The following C12orf42 variants were observed in gnomAD, a reference collection of about 807,000 sequenced individuals.
C12orf42 encodes chromosome 12 open reading frame 42.
In C12orf42, 25 loss-of-function variants were observed where a neutral mutation model predicts 21.6. The ratio of observed to expected loss-of-function variants is 1.16; its 90% CI spans 0.84 to 1.62. The LOEUF (loss-of-function observed/expected upper bound fraction) is 1.62, where lower values mean the gene tolerates loss of function less well. C12orf42 is among the 40% of genes most tolerant of loss of function. C12orf42 has a pLI of 0.00. For synonymous variants in C12orf42, 174 were observed against 175.0 expected (o/e 0.99, Z 0.05); for missense variants, 483 against 459.3 (o/e 1.05, Z -0.47).
At chr12:103,316,118 C>T (rs533490893) in intron 4 of C12orf42, among the ~76,000 whole-genome samples, 24 of 139,680 alleles carry the variant, frequency 1.7e-4, no homozygotes, top group African/African-American at 4.5e-4. Flanking sequence ...TATATATATA[C>T]ACACACACAC....
At chr12:103,454,273 A>T (rs1253336807) in intron 2 of C12orf42, among the ~76,000 whole-genome samples, 2 of 152,098 alleles carry the variant, frequency 1.3e-5, no homozygotes, top group Admixed American at 1.3e-4. Flanking sequence ...CTTTCCTAGG[A>T]ATGCCAGAAT....
At chr12:103,354,253 C>G (rs180902579) in intron 4 of C12orf42, among the ~76,000 whole-genome samples, 34 of 152,212 alleles carry the variant, frequency 2.2e-4, no homozygotes, top group Admixed American at 1.3e-3. Flanking sequence ...CTTCCCAAAG[C>G]ACATTTAGAA....
intron 5 of C12orf42, among the ~76,000 whole-genome samples, chr12:103,276,329 C>A (rs1180142915): frequency 1.3e-5 from 2 of 152,200 alleles, no homozygotes; most frequent in East Asian, 3.9e-4. Flanking sequence ...GTTGATGACT[C>A]CCATAATTAT....
At chr12:103,497,987 A>G (rs1159550984), upstream of C12orf42, among the ~76,000 whole-genome samples, 1 of 152,114 alleles carries the variant, frequency 6.6e-6, no homozygotes, top group Non-Finnish European at 1.5e-5. Flanking sequence ...GTGAGCAGAG[A>G]CAGCGCCACT....
At chr12:103,464,285 A>T (rs570827069) in intron 2 of C12orf42, among the ~76,000 whole-genome samples, 1 of 152,340 alleles carries the variant, frequency 6.6e-6, no homozygotes, top group South Asian at 2.1e-4. Context: ...ATAAGATGGT[A>T]TCTCATGGTG....
At chr12:103,392,321 A>G (rs1452580732) in intron 3 of C12orf42, among the ~76,000 whole-genome samples, 1 of 152,180 alleles carries the variant, frequency 6.6e-6, no homozygotes, top group African/African-American at 2.4e-5. Flanking sequence ...GAGTTTCTAC[A>G]TGGATTTTAG....
At chr12:103,205,151 A>G in the C12orf42 span, among the ~76,000 whole-genome samples, 3 of 152,206 alleles carry the variant, frequency 2.0e-5, no homozygotes, top group Non-Finnish European at 4.4e-5. Context: ...GAGGCTGTGG[A>G]ACAATGGGAA....
chr12:103,098,511 A>C, the C12orf42 span, among the ~76,000 whole-genome samples: 6 of 152,218 alleles, frequency 3.9e-5, no homozygotes, highest in African/African-American at 1.2e-4. Flanking sequence ...AATAACTGCA[A>C]AAACAATTCA....
chr12:103,520,051 G>T, the C12orf42 span, among the ~76,000 whole-genome samples: 1 of 152,206 alleles, frequency 6.6e-6, no homozygotes, highest in Non-Finnish European at 1.5e-5. Flanking sequence ...ATTCCTCAAA[G>T]TGACAAAGAA....
chr12:103,241,480 C>G (rs2033742923), intron 10 of C12orf42, among the ~76,000 whole-genome samples: 1 of 152,132 alleles, frequency 6.6e-6, no homozygotes, highest in Non-Finnish European at 1.5e-5. Flanking sequence ...GCAAATTTTC[C>G]TATTTACCTT....
At chr12:103,203,378 T>C in the C12orf42 span, among the ~76,000 whole-genome samples, 1 of 152,200 alleles carries the variant, frequency 6.6e-6, no homozygotes, top group Non-Finnish European at 1.5e-5. Context: ...TGAAAAAGAA[T>C]AATGTTTACT....
At chr12:103,482,194 C>T (rs1166904877) in intron 1 of C12orf42, among the ~76,000 whole-genome samples, 2 of 152,104 alleles carry the variant, frequency 1.3e-5, no homozygotes, top group African/African-American at 2.4e-5. Context: ...TCTGGGATTA[C>T]ATTTTTCCTT....
intron 4 of C12orf42, among the ~76,000 whole-genome samples, chr12:103,341,129 A>AAAG (rs1566111078): frequency 6.6e-6 from 1 of 150,462 alleles, no homozygotes; most frequent in Non-Finnish European, 1.5e-5. Flanking sequence ...AAAAAAAAAA[A>AAAG]AAAAAAGACA....
At chr12:103,100,342 C>T in the C12orf42 span, among the ~76,000 whole-genome samples, 32 of 152,212 alleles carry the variant, frequency 2.1e-4, no homozygotes, top group Admixed American at 2.0e-3. Flanking sequence ...CTCAGGAGAG[C>T]AACGGATAAA....
intron 5 of C12orf42, among the ~76,000 whole-genome samples, chr12:103,304,176 T>C (rs2038035057): frequency 6.6e-6 from 1 of 152,230 alleles, no homozygotes; most frequent in South Asian, 2.1e-4. Context: ...TAAGTCTCTT[T>C]GACCTTACCC....
the C12orf42 span, among the ~76,000 whole-genome samples, chr12:103,065,477 T>G: frequency 2.6e-5 from 4 of 152,208 alleles, no homozygotes; most frequent in Non-Finnish European, 5.9e-5. Context: ...GTATATCAAC[T>G]CCCTGGCTTT....
At chr12:103,170,780 T>G in the C12orf42 span, among the ~76,000 whole-genome samples, 2 of 152,172 alleles carry the variant, frequency 1.3e-5, no homozygotes, top group Non-Finnish European at 2.9e-5. Context: ...CTTTGTGAAC[T>G]GTGAAGAATA....
the C12orf42 span, among the ~76,000 whole-genome samples, chr12:103,108,491 T>C: frequency 3.0e-4 from 46 of 152,212 alleles, no homozygotes; most frequent in South Asian, 6.0e-3. Flanking sequence ...TTAGAAATAT[T>C]GGTTAATGTA....
At chr12:103,446,478 T>C (rs1003854373) in intron 2 of C12orf42, among the ~76,000 whole-genome samples, 4 of 151,912 alleles carry the variant, frequency 2.6e-5, no homozygotes, top group Non-Finnish European at 5.9e-5. Context: ...AGGCAACAAA[T>C]AGCATAATGA....
Sources: allele counts gnomAD v4.1 joint callset (sites outside exome capture counted in the v4.1 genomes callset), GRCh38; gene constraint gnomAD v4.1.1; transcripts MANE v1.5; gene names NCBI Gene and HGNC (gene_info 2026-07-23, HGNC 2026-07-21).